Variants in NBAS observed in about 807,000 individuals in gnomAD.
NBAS encodes the protein NBAS subunit of NRZ tethering complex.
In NBAS, 219 loss-of-function variants were observed where a neutral mutation model predicts 302.5. The ratio of observed to expected loss-of-function variants is 0.72; its 90% CI spans 0.65 to 0.81. NBAS has a LOEUF of 0.81. Ranked by LOEUF, NBAS falls within the 30% of genes least tolerant of loss-of-function variation. NBAS has a pLI of 0.00. For synonymous variants in NBAS, 1,118 were observed against 1,021.6 expected (o/e 1.09, Z -1.80); for missense variants, 2,932 against 2,841.6 (o/e 1.03, Z -0.72).
chr2:15,451,395 T>C (rs2148539068), intron 21 of NBAS, among the ~76,000 whole-genome samples: 1 of 152,262 alleles, frequency 6.6e-6, no homozygotes, highest in South Asian at 2.1e-4. Context: ...CATTTTGGTG[T>C]CAATAAAAAA....
intron 44 of NBAS, among the ~76,000 whole-genome samples, chr2:15,245,036 G>A (rs757928543): frequency 1.6e-4 from 25 of 152,182 alleles, no homozygotes; most frequent in Admixed American, 1.1e-3. Context: ...TGAGGGAGGC[G>A]TCTGTTGTGC....
At chr2:15,361,212 T>C (rs1207973513) in intron 32 of NBAS, among the ~76,000 whole-genome samples, 2 of 152,146 alleles carry the variant, frequency 1.3e-5, no homozygotes, top group Admixed American at 1.3e-4. Flanking sequence ...CTGTAAATTC[T>C]CAATTAAACA....
At chr2:15,525,423 G>A (rs1049681356) in intron 9 of NBAS, among the ~76,000 whole-genome samples, 62 of 152,166 alleles carry the variant, frequency 4.1e-4, no homozygotes, top group Non-Finnish European at 1.9e-4. Context: ...CAGCTAGAAA[G>A]TAGGACAACC....
the NBAS span, among the ~76,000 whole-genome samples, chr2:14,875,217 T>C: frequency 1.3e-3 from 204 of 152,294 alleles, no homozygotes; most frequent in African/African-American, 3.7e-3. Context: ...ATTGTCTATG[T>C]AGAACATCCC....
chr2:14,981,963 C>T, the NBAS span, among the ~76,000 whole-genome samples: 1 of 152,196 alleles, frequency 6.6e-6, no homozygotes, highest in South Asian at 2.1e-4. Context: ...CTAATTTCCT[C>T]CCCTGGAATC....
chr2:14,825,166 C>T, the NBAS span, among the ~76,000 whole-genome samples: 85,413 of 151,944 alleles, frequency 0.56, 26,049 homozygotes, highest in African/African-American at 0.82. Flanking sequence ...CACCTGAGAT[C>T]CAGCTACTGA....
At chr2:15,148,661 G>C in the NBAS span, among the ~76,000 whole-genome samples, 168 of 152,294 alleles carry the variant, frequency 1.1e-3, no homozygotes, top group Non-Finnish European at 2.2e-3. Flanking sequence ...AAACAATCTG[G>C]CTAAGAATAG....
At chr2:15,384,890 A>C (rs1278806319) in intron 28 of NBAS, among the ~76,000 whole-genome samples, 1 of 152,158 alleles carries the variant, frequency 6.6e-6, no homozygotes, top group Non-Finnish European at 1.5e-5. Flanking sequence ...AATCATCACT[A>C]TTTCCAAACA....
chr2:15,329,045 T>C (rs11676306), intron 36 of NBAS, among the ~76,000 whole-genome samples: 8,097 of 152,252 alleles, frequency 0.053, 295 homozygotes, highest in African/African-American at 0.1. Context: ...TTGAGACTTG[T>C]TACCAGCACT....
At chr2:15,397,703 G>A (rs1675935987) in intron 26 of NBAS, 5 of 472,250 alleles carry the variant, frequency 1.1e-5, no homozygotes, top group Non-Finnish European at 2.0e-5. Flanking sequence ...CACACATTGG[G>A]CACAGTTCAT....
At chr2:15,393,445 T>C (rs753958591) in intron 28 of NBAS, among the ~76,000 whole-genome samples, 6 of 152,066 alleles carry the variant, frequency 3.9e-5, no homozygotes, top group Admixed American at 6.6e-5. Flanking sequence ...GATGAGGATA[T>C]AGAAGAGCAA....
chr2:15,256,396 T>C (rs1278097177), intron 44 of NBAS, among the ~76,000 whole-genome samples: 1 of 152,186 alleles, frequency 6.6e-6, no homozygotes, highest in African/African-American at 2.4e-5. Flanking sequence ...CACTGATTTG[T>C]GTACACTGAG....
intron 12 of NBAS, among the ~76,000 whole-genome samples, chr2:15,480,342 A>T (rs1466104087): frequency 6.6e-6 from 1 of 151,924 alleles, no homozygotes; most frequent in Non-Finnish European, 1.5e-5. Flanking sequence ...CTCTATCTCT[A>T]AAAAAATGAA....
At chr2:15,255,882 G>A (rs369438319) in intron 44 of NBAS, among the ~76,000 whole-genome samples, 29 of 152,182 alleles carry the variant, frequency 1.9e-4, no homozygotes, top group African/African-American at 6.7e-4. Flanking sequence ...TTGTTTCTGG[G>A]TTATCCATTC....
chr2:15,014,046 GA>G, the NBAS span, among the ~76,000 whole-genome samples: 1 of 151,828 alleles, frequency 6.6e-6, no homozygotes, highest in South Asian at 2.1e-4. Flanking sequence ...AAAATAAAAG[GA>G]GACAAATAAT....
rs563269879 is a variant in NBAS, at chr2:15,558,576, T to G, written c.172+4A>C. ...ATTACTGTAGAGAAATAAGCTATATTTACCTCGAATTGCTTTCGTGATGAT... is the reference window on the plus strand; with the variant it reads ...ATTACTGTAGAGAAATAAGCTATATGTACCTCGAATTGCTTTCGTGATGAT... On this transcript the variant is annotated splice_donor_region_variant and intron_variant, in intron 2 of 51. Coordinates refer to ENST00000281513, the MANE Select transcript of NBAS (RefSeq NM_015909.4). 5.2e-5 allele frequency: 83 copies of G among 1,611,536 alleles called. No homozygotes were observed. The Middle Eastern group carries it at 8.2e-4, about 16-fold the overall frequency.
At chr2:15,307,026 C>A (rs945329700) in intron 40 of NBAS, among the ~76,000 whole-genome samples, 1 of 152,182 alleles carries the variant, frequency 6.6e-6, no homozygotes, top group Non-Finnish European at 1.5e-5. Flanking sequence ...AATCCTGGGG[C>A]CCTCAGCCTC....
chr2:15,309,200 C>A lies in NBAS; in HGVS notation c.4630G>T (p.Ala1544Ser). Residue 1544 changes from alanine (A) to serine (S), a missense_variant, in exon 39 of 52, where the codon GCT becomes TCT. Ala to Ser is a moderately conservative substitution (Grantham distance 99). Coordinates refer to ENST00000281513, the MANE Select transcript of NBAS (RefSeq NM_015909.4). The stretch of plus-strand genomic sequence containing the variant: ...GGTAAGGCAAGAAGGTAAGCAAGAG[C>A]CAAGGTCATGTCATTTGGCAAGGCT... ...SEALPNDMTL[A>S]LAYLLALPQV... The A allele has an allele frequency of 6.2e-7, 1 of 1,612,756 alleles. No homozygotes were observed. Among genetic ancestry groups the A allele is most frequent in the East Asian group, 2.2e-5 (1 of 44,800 alleles).
chr2:14,805,149 A>G, the NBAS span, among the ~76,000 whole-genome samples: 1 of 152,252 alleles, frequency 6.6e-6, no homozygotes, highest in Admixed American at 6.5e-5. Context: ...GAAAAATATC[A>G]GCACAATGTG....
Sources: allele counts gnomAD v4.1 joint callset (sites outside exome capture counted in the v4.1 genomes callset), GRCh38; gene constraint gnomAD v4.1.1; transcripts MANE v1.5; gene names NCBI Gene and HGNC (gene_info 2026-07-23, HGNC 2026-07-21).